Variants in CDKN2B-AS1 observed in about 807,000 individuals in gnomAD.
The protein encoded by CDKN2B-AS1 is CDKN2B antisense RNA 1 (non-protein coding).
chr9:22,123,971 T>G (rs994152153), intron 4 of CDKN2B-AS1, among the ~76,000 whole-genome samples: 1 of 152,240 alleles, frequency 6.6e-6, no homozygotes, highest in South Asian at 2.1e-4. Flanking sequence ...ACAAAGCAAA[T>G]TGCAGGCAAT....
intron 4 of CDKN2B-AS1, among the ~76,000 whole-genome samples, chr9:22,103,872 A>G (rs1258844835): frequency 6.6e-6 from 1 of 152,204 alleles, no homozygotes; most frequent in East Asian, 1.9e-4. Flanking sequence ...ACACTGATGT[A>G]CTGGAATAGC....
chr9:22,055,386 C>T (rs755667560), intron 3 of CDKN2B-AS1, among the ~76,000 whole-genome samples: 16 of 152,094 alleles, frequency 1.1e-4, no homozygotes, highest in Non-Finnish European at 8.8e-5. Context: ...TCAGGGATAA[C>T]AAAAGTTGTT....
intron 4 of CDKN2B-AS1, among the ~76,000 whole-genome samples, chr9:22,065,061 A>G (rs1563957999): frequency 6.6e-6 from 1 of 152,242 alleles, no homozygotes; most frequent in East Asian, 1.9e-4. Context: ...GCTACCCTTT[A>G]ACAAAGCCAA....
chr9:22,086,232 C>T (rs991575473), intron 4 of CDKN2B-AS1, among the ~76,000 whole-genome samples: 3 of 152,114 alleles, frequency 2.0e-5, no homozygotes, highest in South Asian at 2.1e-4. Context: ...TGTTTAATGG[C>T]CCTTCCTCTC....
chr9:22,068,735 C>T (rs1824169485), intron 4 of CDKN2B-AS1, among the ~76,000 whole-genome samples: 1 of 152,118 alleles, frequency 6.6e-6, no homozygotes, highest in Non-Finnish European at 1.5e-5. Flanking sequence ...TTGTTTTTCC[C>T]AAGTCATAAA....
In CDKN2B-AS1 at chr9:22,025,528, G is replaced by T. The variant is rs141186352; in HGVS notation, n.30-21223G>T. 5.3e-3 allele frequency among the ~76,000 whole-genome samples: 814 copies of T among 152,208 alleles called. 6 individuals are homozygous for T. The highest frequency in any genetic ancestry group is 9.0e-3 in the Non-Finnish European group (614 of 67,986). Reference sequence around the variant, plus strand: ...TCCAGGCCTGGAGGACCTGCTCGTTGAAGAGATGTGGGAATGGGCACCCAC... The same window carrying T: ...TCCAGGCCTGGAGGACCTGCTCGTTTAAGAGATGTGGGAATGGGCACCCAC... On this transcript the variant is annotated intron_variant and non_coding_transcript_variant, in intron 1 of 4. Transcript: ENST00000650946.
intron 1 of CDKN2B-AS1, among the ~76,000 whole-genome samples, chr9:22,037,842 A>G (rs1163384408): frequency 6.6e-6 from 1 of 152,010 alleles, no homozygotes; most frequent in Non-Finnish European, 1.5e-5. Context: ...ATTCAATTTT[A>G]TCTGTTATGG....
At chr9:22,021,977 C>T (rs1488938118) in intron 1 of CDKN2B-AS1, among the ~76,000 whole-genome samples, 2 of 152,118 alleles carry the variant, frequency 1.3e-5, no homozygotes, top group Non-Finnish European at 1.5e-5. Context: ...GAGTGAATTT[C>T]TTAGTATTCA....
chr9:22,069,102 A>G (rs1224970152), intron 4 of CDKN2B-AS1, among the ~76,000 whole-genome samples: 1 of 152,044 alleles, frequency 6.6e-6, no homozygotes, highest in Non-Finnish European at 1.5e-5. Context: ...TGCCTCTTTT[A>G]CATTATTACT....
chr9:22,004,079 A>ATACC, intron 1 of CDKN2B-AS1: 1 of 232,674 alleles, frequency 4.3e-6, no homozygotes, highest in East Asian at 6.1e-5. Flanking sequence ...TCTGGGAAAC[A>ATACC]ATACCTATCT....
intron 4 of CDKN2B-AS1, among the ~76,000 whole-genome samples, chr9:22,076,466 G>C (rs1277348726): frequency 6.6e-6 from 1 of 152,028 alleles, no homozygotes; most frequent in Non-Finnish European, 1.5e-5. Context: ...CATTACAAAA[G>C]TAAAAAGAAA....
At chr9:22,074,656 G>A (rs1384323047) in intron 4 of CDKN2B-AS1, among the ~76,000 whole-genome samples, 2 of 152,172 alleles carry the variant, frequency 1.3e-5, no homozygotes, top group Admixed American at 6.6e-5. Context: ...GGGCTGGGGA[G>A]CGACTTTCTT....
chr9:22,112,800 A>G (rs1165116379), intron 4 of CDKN2B-AS1, among the ~76,000 whole-genome samples: 1 of 152,188 alleles, frequency 6.6e-6, no homozygotes, highest in Admixed American at 6.5e-5. Context: ...TCAATGTGAG[A>G]AAATGAGAGC....
intron 4 of CDKN2B-AS1, among the ~76,000 whole-genome samples, chr9:22,100,465 A>T (rs1023621973): frequency 8.5e-5 from 13 of 152,146 alleles, no homozygotes; most frequent in African/African-American, 3.1e-4. Flanking sequence ...CTGGTTTATA[A>T]ATGTTGCAAA....
chr9:22,112,060 GT>G (rs1563988645), intron 4 of CDKN2B-AS1: 1 of 152,162 alleles, frequency 6.6e-6, no homozygotes, highest in African/African-American at 2.4e-5. Context: ...GGAAAACAAA[GT>G]AAAATTTTTC....
At chr9:22,022,807 G>A (rs1004034492) in intron 1 of CDKN2B-AS1, among the ~76,000 whole-genome samples, 1 of 152,198 alleles carries the variant, frequency 6.6e-6, no homozygotes, top group East Asian at 1.9e-4. Context: ...AGGAGCTCTT[G>A]TAAGGCAGGT....
At chr9:22,099,326 G>A (rs1825401496) in intron 4 of CDKN2B-AS1, among the ~76,000 whole-genome samples, 1 of 152,106 alleles carries the variant, frequency 6.6e-6, no homozygotes, top group South Asian at 2.1e-4. Flanking sequence ...TTGTAGCAAT[G>A]GGAGCCTACA....
At chr9:22,026,147 G>A (rs1452552507) in intron 1 of CDKN2B-AS1, among the ~76,000 whole-genome samples, 1 of 152,038 alleles carries the variant, frequency 6.6e-6, no homozygotes, top group Non-Finnish European at 1.5e-5. Flanking sequence ...TTCTGTGCTG[G>A]GGTTCCCCTT....
chr9:22,016,231 C>G (rs1821751517), intron 1 of CDKN2B-AS1, among the ~76,000 whole-genome samples: 1 of 151,990 alleles, frequency 6.6e-6, no homozygotes. Context: ...GGTTTTAGGT[C>G]TAATACAAGG....
Sources: allele counts gnomAD v4.1 joint callset (sites outside exome capture counted in the v4.1 genomes callset), GRCh38; gene constraint gnomAD v4.1.1; transcripts MANE v1.5; gene names NCBI Gene and HGNC (gene_info 2026-07-23, HGNC 2026-07-21).